The following ANK2 variants were observed in gnomAD, a reference collection of about 807,000 sequenced individuals.
The protein encoded by ANK2 is ankyrin-2.
In ANK2, 83 loss-of-function variants were observed where a neutral mutation model predicts 360.5. The observed-to-expected ratio is 0.23, with a 90% CI of 0.19 to 0.28. The LOEUF is 0.28. ANK2 is among the 10% of genes least tolerant of loss of function. ANK2 has a pLI of 1.00. For synonymous variants in ANK2, 1,740 were observed against 1,759.5 expected (o/e 0.99, Z 0.28); for missense variants, 4,201 against 4,795.7 (o/e 0.88, Z 3.66).
chr4:112,974,337 G>C (rs1459718139), intron 2 of ANK2, among the ~76,000 whole-genome samples: 1 of 152,196 alleles, frequency 6.6e-6, no homozygotes, highest in East Asian at 1.9e-4. Context: ...CTAATTTCCT[G>C]TGTCTAATGT....
chr4:112,756,649 C>G, the ANK2 span, among the ~76,000 whole-genome samples: 3 of 152,118 alleles, frequency 2.0e-5, no homozygotes, highest in Non-Finnish European at 4.4e-5. Flanking sequence ...TATGAACACT[C>G]GAGTAAGAGA....
chr4:112,858,433 A>T (rs1315302868), intron 1 of ANK2, among the ~76,000 whole-genome samples: 1 of 152,178 alleles, frequency 6.6e-6, no homozygotes, highest in Non-Finnish European at 1.5e-5. Context: ...TTTTTGATTG[A>T]TGAGTGAGAA....
intron 1 of ANK2, among the ~76,000 whole-genome samples, chr4:113,137,308 C>T (rs1349084773): frequency 6.6e-6 from 1 of 152,098 alleles, no homozygotes; most frequent in Admixed American, 6.5e-5. Flanking sequence ...AATCACTGAC[C>T]TAAAATAGTG....
chr4:113,231,138 G>A (rs942312872), intron 4 of ANK2, among the ~76,000 whole-genome samples: 13 of 149,512 alleles, frequency 8.7e-5, no homozygotes, highest in South Asian at 6.3e-4. Context: ...TGTAATCTCC[G>A]CCTCCCGGAT....
intron 2 of ANK2, among the ~76,000 whole-genome samples, chr4:112,987,947 G>A (rs889395529): frequency 6.6e-6 from 1 of 151,962 alleles, no homozygotes; most frequent in Non-Finnish European, 1.5e-5. Flanking sequence ...AGTGTGCAAC[G>A]GCATAAGATA....
chr4:113,354,908 A>G lies in ANK2; in HGVS notation c.6290A>G (p.Gln2097Arg). The change falls in exon 38 of 46, where the codon CAG (glutamine) becomes CGG (arginine). Residue 2097 changes from glutamine to arginine, a missense_variant. Gln to Arg is a conservative substitution (Grantham distance 43). Transcript: ENST00000357077. The part of the protein sequence containing the change: ...VLSHKIPEPV[Q>R]SVPEEESHRE... The stretch of plus-strand genomic sequence containing the variant: ...AGCCACAAAATACCTGAACCTGTTC[A>G]GTCAGTGCCTGAAGAAGAAAGCCAC... The G allele has an allele frequency of 6.2e-7, 1 of 1,614,142 alleles. No homozygotes were observed.
intron 1 of ANK2, among the ~76,000 whole-genome samples, chr4:112,851,947 C>G (rs1478687351): frequency 6.6e-6 from 1 of 152,170 alleles, no homozygotes; most frequent in Non-Finnish European, 1.5e-5. Context: ...TAAAATACTT[C>G]TTTTACTTGT....
chr4:112,748,444 T>C, the ANK2 span, among the ~76,000 whole-genome samples: 2 of 152,236 alleles, frequency 1.3e-5, no homozygotes, highest in South Asian at 2.1e-4. Context: ...GGAATGTGAG[T>C]GACCTGGTGT....
At chr4:112,857,596 A>G (rs1360962949) in intron 1 of ANK2, among the ~76,000 whole-genome samples, 1 of 152,174 alleles carries the variant, frequency 6.6e-6, no homozygotes, top group Non-Finnish European at 1.5e-5. Flanking sequence ...CACACATTCT[A>G]CAAGGCTCTA....
chr4:112,744,374 T>C, the ANK2 span, among the ~76,000 whole-genome samples: 1 of 132,102 alleles, frequency 7.6e-6, no homozygotes, highest in African/African-American at 2.9e-5. Flanking sequence ...TGAGATGGGG[T>C]CTTGCTCTGT....
At chr4:112,991,537 CTT>C (rs1390571895) in intron 2 of ANK2, among the ~76,000 whole-genome samples, 17 of 149,898 alleles carry the variant, frequency 1.1e-4, no homozygotes, top group Admixed American at 3.3e-4. Context: ...CACACACAGT[CTT>C]TTAATCAAAT....
chr4:113,153,943 CT>C (rs1281355243), intron 1 of ANK2, among the ~76,000 whole-genome samples: 3 of 152,314 alleles, frequency 2.0e-5, no homozygotes, highest in Non-Finnish European at 4.4e-5. Flanking sequence ...AAGAGGCTGA[CT>C]TTACTGAAGA....
chr4:112,981,008 G>A (rs2042966704), intron 2 of ANK2, among the ~76,000 whole-genome samples: 2 of 152,212 alleles, frequency 1.3e-5, no homozygotes, highest in Admixed American at 1.3e-4. Flanking sequence ...AGTTATAAAC[G>A]AAGATCTGCG....
At chr4:112,742,259 T>G in the ANK2 span, among the ~76,000 whole-genome samples, 1 of 152,176 alleles carries the variant, frequency 6.6e-6, no homozygotes, top group Non-Finnish European at 1.5e-5. Flanking sequence ...AGAGCGAGAC[T>G]CTGTCTCAGA....
At chr4:112,905,985 C>T (rs2085062883) in intron 2 of ANK2, among the ~76,000 whole-genome samples, 1 of 152,078 alleles carries the variant, frequency 6.6e-6, no homozygotes, top group African/African-American at 2.4e-5. Context: ...TTTAGAAGGG[C>T]AGATATTACT....
intron 1 of ANK2, among the ~76,000 whole-genome samples, chr4:113,100,265 C>G (rs1013329383): frequency 1.3e-5 from 2 of 152,012 alleles, no homozygotes; most frequent in Non-Finnish European, 2.9e-5. Context: ...AAGAAATCTT[C>G]AAACTCAACA....
rs374338728 is a variant in ANK2, at chr4:112,874,258, T to G, written c.-39-30197T>G. ...CACCATGCCTGGCTAATTTTTTGTA[T>G]TTTTAGTAGAGACGGGGTTTCACCA... is the stretch of plus-strand genomic sequence containing the variant. On this transcript the variant is annotated intron_variant, in intron 1 of 30. Transcript: ENST00000503271. 3.6e-4 allele frequency among the ~76,000 whole-genome samples: 54 copies of G among 149,210 alleles called. No individual in the cohort carries two copies. The East Asian group carries it at 9.9e-3, about 27-fold the overall frequency.
intron 14 of ANK2, among the ~76,000 whole-genome samples, chr4:113,265,966 T>A (rs908597246): frequency 6.6e-6 from 1 of 152,220 alleles, no homozygotes; most frequent in Admixed American, 6.5e-5. Context: ...TTTCTTTAAA[T>A]TATTATTATA....
the ANK2 span, among the ~76,000 whole-genome samples, chr4:112,794,941 C>T: frequency 7.1e-4 from 108 of 152,302 alleles, no homozygotes; most frequent in African/African-American, 2.6e-3. Context: ...CTAGATTTGT[C>T]TCCTAGTCCA....
Sources: gnomAD v4.1 joint callset for allele counts (sites outside exome capture counted in the v4.1 genomes callset) on GRCh38, gnomAD v4.1.1 for gene constraint, MANE v1.5 for transcripts, NCBI Gene and HGNC (gene_info 2026-07-23, HGNC 2026-07-21) for gene names.